Variants in TRPM3 observed in about 807,000 individuals in gnomAD.
TRPM3 encodes the protein long transient receptor potential channel 3.
Under a neutral mutation model 181.2 loss-of-function variants are expected in TRPM3, and 77 were observed. The ratio of observed to expected loss-of-function variants is 0.42; its 90% CI spans 0.35 to 0.51. The LOEUF is 0.51. TRPM3 is among the 20% of genes least tolerant of loss of function. The probability of loss-of-function intolerance (pLI) is 0.01; values close to 1 mark genes in which losing one functional copy is unlikely to be tolerated. For synonymous variants in TRPM3, 745 were observed against 796.4 expected (o/e 0.94, Z 1.09); for missense variants, 1,759 against 2,196.7 (o/e 0.80, Z 3.98).
chr9:71,028,149 G>A (rs781389236), intron 1 of TRPM3, among the ~76,000 whole-genome samples: 5 of 152,106 alleles, frequency 3.3e-5, no homozygotes, highest in Non-Finnish European at 5.9e-5. Context: ...GAAGAGACTG[G>A]GGGCCTATAT....
intron 1 of TRPM3, among the ~76,000 whole-genome samples, chr9:71,111,110 T>G (rs945900849): frequency 6.6e-6 from 1 of 152,202 alleles, no homozygotes; most frequent in Non-Finnish European, 1.5e-5. Context: ...TCAAACATTT[T>G]CAGACAAATT....
At chr9:70,673,220 A>T (rs1237309514) in intron 9 of TRPM3, among the ~76,000 whole-genome samples, 1 of 152,092 alleles carries the variant, frequency 6.6e-6, no homozygotes, top group East Asian at 1.9e-4. Flanking sequence ...AGGTAGTAAT[A>T]AGAGGCACAT....
chr9:70,686,072 C>T (rs1166691535), intron 8 of TRPM3, among the ~76,000 whole-genome samples: 2 of 150,120 alleles, frequency 1.3e-5, no homozygotes, highest in Non-Finnish European at 3.0e-5. Context: ...CATATTAATA[C>T]ATATATACAT....
intron 8 of TRPM3, among the ~76,000 whole-genome samples, chr9:70,697,336 C>T (rs1367331575): frequency 1.3e-5 from 2 of 152,176 alleles, no homozygotes; most frequent in Non-Finnish European, 2.9e-5. Context: ...ATTTCAAGCT[C>T]AGATGGAATT....
intron 1 of TRPM3, among the ~76,000 whole-genome samples, chr9:71,279,359 C>T (rs938756934): frequency 6.6e-6 from 1 of 152,148 alleles, no homozygotes; most frequent in African/African-American, 2.4e-5. Context: ...TGTTGGCTTA[C>T]TGACGTTCTC....
Position 71,037,774 on chromosome 9 carries a change from C to T in TRPM3, c.177+83404G>A, listed in dbSNP as rs79429532. Among the ~76,000 whole-genome samples the T allele has an allele frequency of 5.0e-3, 754 of 152,306 alleles. 19 individuals are homozygous for T. The East Asian group carries it at 0.078, about 16-fold the overall frequency. On this transcript the variant is annotated intron_variant, in intron 1 of 25. Coordinates refer to ENST00000677713, the MANE Select transcript of TRPM3 (RefSeq NM_001366145.2). Reference sequence around the variant, plus strand: ...TCAGTAATATGCAAGAGCCTATGAGCTATATAATACCTGTCCATCTGCCAT... The same window carrying T: ...TCAGTAATATGCAAGAGCCTATGAGTTATATAATACCTGTCCATCTGCCAT...
intron 1 of TRPM3, among the ~76,000 whole-genome samples, chr9:71,069,114 T>G (rs1327644776): frequency 6.6e-6 from 1 of 152,190 alleles, no homozygotes; most frequent in East Asian, 1.9e-4. Flanking sequence ...TATGAAAGAA[T>G]GAGGAAGCTG....
At chr9:70,696,256 A>G (rs1298326900) in intron 8 of TRPM3, among the ~76,000 whole-genome samples, 1 of 152,166 alleles carries the variant, frequency 6.6e-6, no homozygotes. Flanking sequence ...TCCAATACTG[A>G]CCACTCCCGA....
At chr9:71,227,881 C>T (rs1311206204) in intron 1 of TRPM3, among the ~76,000 whole-genome samples, 1 of 152,160 alleles carries the variant, frequency 6.6e-6, no homozygotes, top group African/African-American at 2.4e-5. Context: ...GACCCGATGA[C>T]TTCACTACTG....
chr9:70,614,124 A>G (rs1381494344), intron 18 of TRPM3, among the ~76,000 whole-genome samples: 1 of 152,048 alleles, frequency 6.6e-6, no homozygotes, highest in African/African-American at 2.4e-5. Flanking sequence ...CTGGGTTCTA[A>G]TCTTAGCTTT....
intron 10 of TRPM3, among the ~76,000 whole-genome samples, chr9:70,640,111 G>A (rs1256213942): frequency 6.6e-6 from 1 of 152,178 alleles, no homozygotes; most frequent in Non-Finnish European, 1.5e-5. Context: ...GGGAGGACCT[G>A]TGCTCAGTCA....
intron 5 of TRPM3, among the ~76,000 whole-genome samples, chr9:70,839,221 C>A (rs1224312861): frequency 6.6e-6 from 1 of 152,218 alleles, no homozygotes; most frequent in Non-Finnish European, 1.5e-5. Flanking sequence ...ATGCCCAATC[C>A]ATCTTCATCA....
chr9:70,535,525 C>G lies in TRPM3; in HGVS notation c.*428G>C. The stretch of plus-strand genomic sequence containing the variant: ...GAAGTTTAGAATATCTCATTGTGTA[C>G]GCTGGCTATTTTATTTTATTTTGCA... On this transcript the variant is annotated 3_prime_UTR_variant, in exon 26 of 26. Transcript: ENST00000677713. The G allele has an allele frequency of 6.5e-7, 1 of 1,547,682 alleles. No homozygotes were observed.
chr9:70,598,790 T>C, intron 20 of TRPM3, 120 bp from the exon 21 acceptor site: 1 of 1,218,154 alleles, frequency 8.2e-7, no homozygotes, highest in Non-Finnish European at 1.1e-6. Flanking sequence ...CTATATCTAC[T>C]TAAATACTTG....
At chr9:71,398,635 T>C (rs4573341) in intron 1 of TRPM3, among the ~76,000 whole-genome samples, 70,160 of 152,020 alleles carry the variant, frequency 0.46, 17,464 homozygotes, top group East Asian at 0.6. Context: ...CCTTCCACCA[T>C]GATTGTAAGT....
chr9:71,360,390 T>C (rs1398261117), intron 1 of TRPM3, among the ~76,000 whole-genome samples: 1 of 152,196 alleles, frequency 6.6e-6, no homozygotes, highest in Admixed American at 6.5e-5. Flanking sequence ...TCATGAAAGC[T>C]AAACAACAGA....
intron 1 of TRPM3, among the ~76,000 whole-genome samples, chr9:71,276,411 T>A (rs913452688): frequency 6.6e-6 from 1 of 152,022 alleles, no homozygotes; most frequent in Non-Finnish European, 1.5e-5. Flanking sequence ...AAATTTAAGC[T>A]ATAAATTTGG....
chr9:71,226,644 GTATATACACA>G (rs1217224248), intron 1 of TRPM3, among the ~76,000 whole-genome samples: 1 of 151,720 alleles, frequency 6.6e-6, no homozygotes, highest in Admixed American at 6.6e-5. Context: ...GTGTGTGTGT[GTATATACACA>G]TATATACAGA....
At chr9:71,429,387 T>A (rs2093923141) in intron 1 of TRPM3, among the ~76,000 whole-genome samples, 1 of 152,236 alleles carries the variant, frequency 6.6e-6, no homozygotes, top group Non-Finnish European at 1.5e-5. Context: ...ATTTAATATC[T>A]CTGTGCCTTA....
Sources: gnomAD v4.1 joint callset for allele counts (sites outside exome capture counted in the v4.1 genomes callset) on GRCh38, gnomAD v4.1.1 for gene constraint, MANE v1.5 for transcripts, NCBI Gene and HGNC (gene_info 2026-07-23, HGNC 2026-07-21) for gene names.